Variants in CCDC97 observed in about 807,000 individuals in gnomAD.
CCDC97 encodes the protein coiled-coil domain containing 97.
CCDC97 carries 27 observed loss-of-function variants against 33.9 expected under a neutral mutation model. That is an observed-to-expected ratio of 0.80 (90% CI 0.59 to 1.10). The LOEUF (loss-of-function observed/expected upper bound fraction) is 1.10. Among genes scored for constraint, CCDC97 ranks in the 50% least tolerant of loss-of-function variants. The pLI is 0.00. For missense variants in CCDC97, 422 were observed against 476.6 expected (o/e 0.89, Z 1.07); for synonymous variants, 217 against 194.0 (o/e 1.12, Z -0.99).
intron 4 of CCDC97, among the ~76,000 whole-genome samples, chr19:41,321,753 C>G (rs2037826785): frequency 6.6e-6 from 1 of 152,218 alleles, no homozygotes; most frequent in Non-Finnish European, 1.5e-5. Flanking sequence ...GAGCCCCCAG[C>G]AGCACCAAGG....
chr19:41,310,206 C>T lies in CCDC97; in HGVS notation c.-105C>T. 1 of 1,485,268 alleles carries T rather than the reference C, an allele frequency of 6.7e-7. No individual in the cohort carries two copies. The highest frequency in any genetic ancestry group is 2.0e-5 in the Admixed American group (1 of 50,482). 92.0% of individuals were successfully genotyped at this position (1,485,268 alleles called of 1,614,324 possible). Reference sequence around the variant, plus strand: ...ACTTCGGTGCCTGGGCGCAGCGGTGCACCCGGACCCGGAACATTCTCAGGC... The same window carrying T: ...ACTTCGGTGCCTGGGCGCAGCGGTGTACCCGGACCCGGAACATTCTCAGGC... On this transcript the variant is annotated 5_prime_UTR_variant, in exon 1 of 5. Transcript: ENST00000269967.
intron 1 of CCDC97, chr19:41,310,631 CAAATT>C: frequency 1.0e-6 from 1 of 985,360 alleles, no homozygotes. Context: ...GGCTAACTCT[CAAATT>C]AACAGAAACC....
intron 2 of CCDC97, among the ~76,000 whole-genome samples, chr19:41,318,027 TG>T (rs1196859118): frequency 3.3e-5 from 4 of 119,492 alleles, no homozygotes; most frequent in Admixed American, 1.7e-4. Context: ...ATGAATGAGG[TG>T]GGGGTAGGTG....
intron 4 of CCDC97, among the ~76,000 whole-genome samples, chr19:41,322,269 A>G (rs1171885075): frequency 6.6e-6 from 1 of 151,846 alleles, no homozygotes; most frequent in Admixed American, 6.6e-5. Flanking sequence ...TACTTTTTCA[A>G]TTTTTTTGTA....
intron 2 of CCDC97, among the ~76,000 whole-genome samples, chr19:41,318,894 CACAT>C (rs1788865617): frequency 6.6e-6 from 1 of 152,104 alleles, no homozygotes; most frequent in Non-Finnish European, 1.5e-5. Context: ...TGGATGTACA[CACAT>C]ACACGCCCCA....
rs2037859778 is a variant in CCDC97 at position 41,324,263 on chromosome 19, A to C, written c.*1548A>C. On this transcript the variant is annotated 3_prime_UTR_variant, in exon 5 of 5. Coordinates refer to ENST00000269967, the MANE Select transcript of CCDC97 (RefSeq NM_052848.3). ...GTGCCTGACACCGGGTTGGATCCTC[A>C]GATGGCCCCATGAACTAGTGAAGTG... 1 of 152,272 alleles carries C rather than the reference A, an allele frequency of 6.6e-6. No individual in the cohort carries two copies. The highest frequency in any genetic ancestry group is 1.5e-5 in the Non-Finnish European group (1 of 68,048). 9.4% of individuals were successfully genotyped at this position (152,272 alleles called of 1,614,324 possible).
chr19:41,310,652 A>G (rs2123049568), intron 1 of CCDC97: 1 of 1,320,614 alleles, frequency 7.6e-7, no homozygotes, highest in Non-Finnish European at 9.7e-7. Flanking sequence ...AAACCTCTCT[A>G]CCCCGGCCTA....
chr19:41,314,605 A>C (rs781125872), intron 1 of CCDC97, among the ~76,000 whole-genome samples: 4 of 152,356 alleles, frequency 2.6e-5, no homozygotes, highest in Middle Eastern at 3.4e-3. Context: ...TCTGCCTGGA[A>C]TTCTCTTTTC....
In CCDC97 at chr19:41,317,772, G is replaced by A. The variant is rs143444600; in HGVS notation, c.502+933G>A. ...GATGAAAACAGAAGGAAGATGGGCC[G>A]GGCACAGTCACTCAAGCCGGTGATC... On this transcript the variant is annotated intron_variant, in intron 2 of 4. Coordinates refer to ENST00000269967, the MANE Select transcript of CCDC97 (RefSeq NM_052848.3). Among the ~76,000 whole-genome samples, 401 of 151,522 alleles carry A rather than the reference G, an allele frequency of 2.6e-3. 3 individuals are homozygous for A. The highest frequency in any genetic ancestry group is 0.01 in the Middle Eastern group (3 of 292).
At position 41,319,614 on chromosome 19, in the gene CCDC97, C is replaced by A. The variant is rs755911135; in HGVS notation, c.543C>A (p.Ala181=). 2 of 1,612,278 alleles carry A rather than the reference C, an allele frequency of 1.2e-6. No homozygotes were observed. Among genetic ancestry groups the A allele is most frequent in the Non-Finnish European group, 8.5e-7 (1 of 1,178,826 alleles). The part of the protein sequence containing the change: ...YFSDEQMRFR[A]PLLYEQYIGQ... ...GTGATGAGCAGATGCGGTTCCGGGC[C>A]CCCCTGCTATATGAGCAGTACATCG... is the stretch of plus-strand genomic sequence containing the variant. The change falls in exon 3 of 5, where the codon GCC becomes GCA. Residue 181 remains alanine, a synonymous_variant. Transcript: ENST00000269967.
chr19:41,319,120 T>C (rs1360835033), intron 2 of CCDC97, among the ~76,000 whole-genome samples: 2 of 152,210 alleles, frequency 1.3e-5, no homozygotes, highest in South Asian at 2.1e-4. Context: ...CTGGACACAG[T>C]TGTACACGAG....
intron 1 of CCDC97, among the ~76,000 whole-genome samples, chr19:41,316,139 T>C (rs1054656917): frequency 5.3e-5 from 8 of 152,054 alleles, no homozygotes; most frequent in Non-Finnish European, 2.9e-5. Context: ...CCCTCCTCCT[T>C]CCCTGTTTAT....
At chr19:41,314,145 GTTTT>G (rs938561916) in intron 1 of CCDC97, among the ~76,000 whole-genome samples, 3 of 148,450 alleles carry the variant, frequency 2.0e-5, no homozygotes, top group Non-Finnish European at 3.0e-5. Context: ...GAGATTTAGT[GTTTT>G]TTTTTCTTTT....
chr19:41,319,846 G>T lies in CCDC97; in HGVS notation c.775G>T (p.Glu259Ter). The change falls in exon 3 of 5, where the codon GAG becomes TAG. Residue 259 changes from glutamate (E) to a stop codon, truncating the protein, a stop_gained. Transcript: ENST00000269967. LOFTEE classifies it high-confidence loss of function. ...AGAGGAAGAGGAGGAGGACAGTGAC[G>T]AGGAAGGTGAGGGCCAGTAGCAGGA... ...EEEEEEEDSD[E>*]EDQRSGKDSE... The T allele has an allele frequency of 6.9e-7, 1 of 1,446,996 alleles. No homozygotes were observed. The highest frequency in any genetic ancestry group is 9.6e-7 in the Non-Finnish European group (1 of 1,046,762). The allele number at this position is 1,446,996 out of a possible 1,614,324, so 89.6% of individuals were successfully genotyped here. A position where few individuals can be genotyped will look rare whatever the true frequency, so the allele number is the denominator to read the frequency against.
At position 41,324,359 on chromosome 19, in the gene CCDC97, G is replaced by A. The variant is rs1263791356; in HGVS notation, c.*1644G>A. 2 of 152,220 alleles carry A rather than the reference G, an allele frequency of 1.3e-5. No homozygotes were observed. The highest frequency in any genetic ancestry group is 6.5e-5 in the Admixed American group (1 of 15,280). 9.4% of individuals were successfully genotyped at this position (152,220 alleles called of 1,614,324 possible). On this transcript the variant is annotated 3_prime_UTR_variant, in exon 5 of 5. Transcript: ENST00000269967. ...GCCATCAGAGGCAGAAATGAAACAGGAACCCAGGCCTAGAATCACAAAGGT... is the reference window on the plus strand; with the variant it reads ...GCCATCAGAGGCAGAAATGAAACAGAAACCCAGGCCTAGAATCACAAAGGT...
chr19:41,315,610 CAAA>C (rs753192806), intron 1 of CCDC97, among the ~76,000 whole-genome samples: 1 of 127,540 alleles, frequency 7.8e-6, no homozygotes, highest in African/African-American at 2.9e-5. Flanking sequence ...AACTCCATCT[CAAA>C]AAAAAAAAAG....
chr19:41,318,788 G>C (rs893851609), intron 2 of CCDC97, among the ~76,000 whole-genome samples: 2 of 152,196 alleles, frequency 1.3e-5, no homozygotes, highest in African/African-American at 4.8e-5. Context: ...AGAGAGGATG[G>C]ATCTAGGGCC....
intron 1 of CCDC97, among the ~76,000 whole-genome samples, chr19:41,314,462 G>T (rs1277550187): frequency 6.6e-6 from 1 of 152,216 alleles, no homozygotes; most frequent in Non-Finnish European, 1.5e-5. Flanking sequence ...AGTTATTAAA[G>T]AGTGGTTGGG....
At chr19:41,318,964 C>T (rs2037782100) in intron 2 of CCDC97, among the ~76,000 whole-genome samples, 1 of 152,182 alleles carries the variant, frequency 6.6e-6, no homozygotes, top group East Asian at 1.9e-4. Context: ...AGGCACACAA[C>T]CTAGAGACAC....
Sources: gnomAD v4.1 joint callset for allele counts (sites outside exome capture counted in the v4.1 genomes callset) on GRCh38, gnomAD v4.1.1 for gene constraint, MANE v1.5 for transcripts, NCBI Gene and HGNC (gene_info 2026-07-23, HGNC 2026-07-21) for gene names.